The following EZR variants were observed in gnomAD, a reference collection of about 807,000 sequenced individuals.
The protein encoded by EZR is ezrin, also known as cytovillin 2.
EZR carries 40 observed loss-of-function variants against 74.8 expected under a neutral mutation model. The ratio of observed to expected loss-of-function variants is 0.53; its 90% confidence interval spans 0.42 to 0.70. The LOEUF (loss-of-function observed/expected upper bound fraction) is 0.70, where lower values mean the gene tolerates loss of function less well. Ranked by LOEUF, EZR falls within the 30% of genes least tolerant of loss-of-function variation. The pLI is 0.00. For synonymous variants in EZR, 341 were observed against 283.3 expected (o/e 1.20, Z -2.05); for missense variants, 678 against 755.8 (o/e 0.90, Z 1.21).
In EZR at chr6:158,765,771, A is replaced by ATGTC. The variant is rs1790736749; in HGVS notation, c.*1139_*1142dup. Reference sequence around the variant, plus strand: ...CGTGCCTTTGCAAAGCTTTTATTTCATGTCTGCGGCATGGAATCCACCTGC... The same window carrying ATGTC: ...CGTGCCTTTGCAAAGCTTTTATTTCATGTCTGTCTGCGGCATGGAATCCACCTGC... On this transcript the variant is annotated 3_prime_UTR_variant, in exon 14 of 14. Transcript: ENST00000367075. 1.3e-5 allele frequency: 2 copies of ATGTC among 152,260 alleles called. No individual in the cohort carries two copies. The highest frequency in any genetic ancestry group is 4.2e-4 in the South Asian group (2 of 4,814). The allele number at this position is 152,260 out of a possible 1,614,324, so 9.4% of individuals were successfully genotyped here. A position where few individuals can be genotyped will look rare whatever the true frequency, so the allele number is the denominator to read the frequency against.
At chr6:158,773,747 G>A (rs1410025284) in intron 8 of EZR, among the ~76,000 whole-genome samples, 1 of 152,228 alleles carries the variant, frequency 6.6e-6, no homozygotes, top group Non-Finnish European at 1.5e-5. Context: ...AGGTCACGTG[G>A]GGGAAGCGTC....
chr6:158,795,136 C>A (rs1777041040), intron 2 of EZR, among the ~76,000 whole-genome samples: 1 of 152,072 alleles, frequency 6.6e-6, no homozygotes, highest in Non-Finnish European at 1.5e-5. Context: ...CCTGTAATCC[C>A]AGCTACTCAG....
chr6:158,774,543 C>G (rs1485862462), intron 8 of EZR, among the ~76,000 whole-genome samples: 3 of 151,874 alleles, frequency 2.0e-5, no homozygotes, highest in Non-Finnish European at 2.9e-5. Context: ...GTTTCTTTTG[C>G]TTACGAGATG....
Position 158,785,325 on chromosome 6 carries a change from G to C in EZR, c.451C>G (p.Arg151Gly), listed in dbSNP as rs755827981. ...TGTGCTCACCTTTGAGGGATCAGCC[G>C]CTCAGAGCTGAGGTACCCAGACTTG... is the stretch of plus-strand genomic sequence containing the variant. ...VHKSGYLSSE[R>G]LIPQRVMDQH... The change falls in exon 5 of 14, where the codon CGG (arginine) becomes GGG (glycine). Residue 151 changes from arginine to glycine, a missense_variant. Around this residue, in one of 3 missense-constraint regions of EZR, gnomAD observed 217 missense variants for 232.2 expected, o/e 0.93. Transcript: ENST00000367075. The C allele has an allele frequency of 6.2e-7, 1 of 1,613,998 alleles. No individual in the cohort carries two copies. Among genetic ancestry groups the C allele is most frequent in the Non-Finnish European group, 8.5e-7 (1 of 1,180,012 alleles).
intron 2 of EZR, among the ~76,000 whole-genome samples, chr6:158,803,562 T>A (rs9457468): frequency 2.8e-4 from 2 of 7,070 alleles, no homozygotes; most frequent in Admixed American, 1.4e-3. Context: ...TATATATATA[T>A]ATATATATAT....
chr6:158,783,793 C>G, intron 6 of EZR, 127 bp from the exon 7 acceptor site: 1 of 1,030,430 alleles, frequency 9.7e-7, no homozygotes, highest in South Asian at 1.6e-5. Context: ...GTGCTGCGTG[C>G]AGGCAGGCAG....
chr6:158,803,574 TA>T (rs1777248309), intron 2 of EZR, among the ~76,000 whole-genome samples: 3 of 10,926 alleles, frequency 2.7e-4, no homozygotes, highest in African/African-American at 1.4e-3. Context: ...TATATATATA[TA>T]TATATACATA....
chr6:158,770,264 A>G (rs567041144), intron 10 of EZR, among the ~76,000 whole-genome samples: 337 of 152,374 alleles, frequency 2.2e-3, no homozygotes, highest in African/African-American at 7.6e-3. Flanking sequence ...CTCAGAACAC[A>G]GAACACCCTT....
chr6:158,769,491 ATG>A, intron 11 of EZR, 73 bp from the exon 12 acceptor site: 3 of 1,463,372 alleles, frequency 2.1e-6, no homozygotes, highest in Non-Finnish European at 2.8e-6. Flanking sequence ...ATGAGTGTTC[ATG>A]TGTGTTGGCA....
chr6:158,802,164 G>A (rs1180716368), intron 2 of EZR, among the ~76,000 whole-genome samples: 2 of 152,198 alleles, frequency 1.3e-5, no homozygotes, highest in African/African-American at 2.4e-5. Flanking sequence ...GTTAGTACCT[G>A]CCCAGGTGCT....
chr6:158,779,483 T>C (rs1433522975), intron 7 of EZR, among the ~76,000 whole-genome samples: 1 of 152,164 alleles, frequency 6.6e-6, no homozygotes, highest in Non-Finnish European at 1.5e-5. Context: ...TTACATAAGG[T>C]GTTAATGTTT....
Position 158,766,799 on chromosome 6 carries a change from TA to T in EZR, c.*114del. On this transcript the variant is annotated 3_prime_UTR_variant, in exon 14 of 14. Coordinates refer to ENST00000367075, the MANE Select transcript of EZR (RefSeq NM_001111077.2). The stretch of plus-strand genomic sequence containing the variant: ...ATGTTTCTGTTGGGTAACTGCTTTC[TA>T]AAGGAACTGGGATCTGAGGGAGTTC... 1 of 1,088,030 alleles carries T rather than the reference TA, an allele frequency of 9.2e-7. No homozygotes were observed. The highest frequency in any genetic ancestry group is 1.3e-6 in the Non-Finnish European group (1 of 748,340). The allele number at this position is 1,088,030 out of a possible 1,614,324, so 67.4% of individuals were successfully genotyped here. A position where few individuals can be genotyped will look rare whatever the true frequency, so the allele number is the denominator to read the frequency against.
intron 2 of EZR, among the ~76,000 whole-genome samples, chr6:158,807,856 A>C (rs1388091427): frequency 2.0e-5 from 3 of 152,214 alleles, no homozygotes; most frequent in African/African-American, 7.2e-5. Flanking sequence ...TTATTTAGTC[A>C]GACCAGCATC....
rs55671840 is a variant in EZR, at chr6:158,804,767, T to C, written c.12+13315A>G. ...GAGTTTTTCCTTTCTTTTTTTCTTATTTTTTTTTATTATACTTTAAGTTTT... is the reference window on the plus strand; with the variant it reads ...GAGTTTTTCCTTTCTTTTTTTCTTACTTTTTTTTATTATACTTTAAGTTTT... On this transcript the variant is annotated intron_variant, in intron 2 of 13. Coordinates refer to ENST00000367075, the MANE Select transcript of EZR (RefSeq NM_001111077.2). Among the ~76,000 whole-genome samples the C allele has an allele frequency of 5.3e-5, 8 of 150,460 alleles. No individual in the cohort carries two copies. The South Asian group carries it at 6.3e-4, about 12-fold the overall frequency.
chr6:158,816,050 G>A lies in EZR; in HGVS notation c.12+2032C>T, dbSNP rs1028320988. Among the ~76,000 whole-genome samples the A allele has an allele frequency of 3.5e-4, 53 of 152,246 alleles. 1 individual carries two copies. Among genetic ancestry groups the A allele is most frequent in the Non-Finnish European group, 1.3e-4 (9 of 68,042 alleles). ...CATGGATGAACCTTGAAGACATTAT[G>A]CTACAGGAAATGAGACTGTCACAAA... On this transcript the variant is annotated intron_variant, in intron 2 of 13. Coordinates refer to ENST00000367075, the MANE Select transcript of EZR (RefSeq NM_001111077.2).
chr6:158,789,537 T>G (rs1244318418), intron 2 of EZR, 166 bp from the exon 3 acceptor site: 1 of 764,262 alleles, frequency 1.3e-6, no homozygotes, highest in South Asian at 1.4e-5. Context: ...TGCAGATGGC[T>G]GGGGATGTCT....
intron 2 of EZR, among the ~76,000 whole-genome samples, chr6:158,794,301 T>C (rs1007099285): frequency 9.2e-5 from 14 of 151,964 alleles, no homozygotes; most frequent in African/African-American, 2.4e-4. Context: ...CCACCAGCAC[T>C]ACCACCAGCA....
At chr6:158,787,595 G>A (rs3123113) in intron 3 of EZR, among the ~76,000 whole-genome samples, 12 of 152,024 alleles carry the variant, frequency 7.9e-5, no homozygotes, top group African/African-American at 1.2e-4. Context: ...CATCGCTGCC[G>A]GTCAGGTGTG....
chr6:158,768,288 C>CA (rs1476079904), intron 12 of EZR, among the ~76,000 whole-genome samples: 1 of 152,022 alleles, frequency 6.6e-6, no homozygotes, highest in Non-Finnish European at 1.5e-5. Flanking sequence ...CGCCTTCTGC[C>CA]ACGATTGTAA....
Sources: gnomAD v4.1 joint callset for allele counts (sites outside exome capture counted in the v4.1 genomes callset) on GRCh38, gnomAD v4.1.1 for gene constraint, gnomAD v4.1.1 regional missense constraint, MANE v1.5 for transcripts, NCBI Gene and HGNC (gene_info 2026-07-23, HGNC 2026-07-21) for gene names.